Variants in TBXAS1 observed in about 807,000 individuals in gnomAD.
TBXAS1 encodes thromboxane A synthase 1, also known as thromboxane-A synthase.
Under a neutral mutation model 60.7 loss-of-function variants are expected in TBXAS1, and 48 were observed. That is an observed-to-expected ratio of 0.79 (90% CI 0.63 to 1.01). The LOEUF (loss-of-function observed/expected upper bound fraction) is 1.01, where lower values mean the gene tolerates loss of function less well. Ranked by LOEUF, TBXAS1 falls within the 50% of genes least tolerant of loss-of-function variation. TBXAS1 has a pLI of 0.00. For synonymous variants in TBXAS1, 287 were observed against 269.7 expected, an observed-to-expected ratio of 1.06 and a Z score of -0.63; for missense variants, 685 against 686.3, an observed-to-expected ratio of 1.00 and a Z score of 0.02.
upstream of TBXAS1, among the ~76,000 whole-genome samples, chr7:139,826,584 C>G (rs749673901): frequency 6.6e-6 from 1 of 152,156 alleles, no homozygotes; most frequent in African/African-American, 2.4e-5. Flanking sequence ...ATGGCTTCCA[C>G]GTTTGAATAT....
chr7:139,883,101 C>A (rs920001754), intron 3 of TBXAS1, among the ~76,000 whole-genome samples: 1 of 152,106 alleles, frequency 6.6e-6, no homozygotes, highest in African/African-American at 2.4e-5. Context: ...CAACTATCAC[C>A]AAGCCAAGCA....
rs200999267 is a variant in TBXAS1 at position 139,781,837 on chromosome 7, C to CAAAAA, written c.-232-810_-232-806dup. Among the ~76,000 whole-genome samples the CAAAAA allele has an allele frequency of 2.6e-3, 178 of 67,268 alleles. 7 individuals are homozygous for CAAAAA. Among genetic ancestry groups the CAAAAA allele is most frequent in the African/African-American group, 0.011 (166 of 15,666 alleles). The allele number at this position is 67,268 out of a possible 152,430, so 44.1% of individuals were successfully genotyped here. A position where few individuals can be genotyped will look rare whatever the true frequency, so the allele number is the denominator to read the frequency against. Reference sequence around the variant, plus strand: ...AGGCAACAAGAGCTAAATTCCATCTCAAAAAAAAAAAAAAAAAAAAAAAGG... The same window carrying CAAAAA: ...AGGCAACAAGAGCTAAATTCCATCTCAAAAAAAAAAAAAAAAAAAAAAAAAAAAGG... On this transcript the variant is annotated intron_variant, in intron 2 of 16. Coordinates refer to the TBXAS1 transcript ENST00000336425.
intron 10 of TBXAS1, among the ~76,000 whole-genome samples, chr7:140,012,517 G>A (rs1814700183): frequency 6.6e-6 from 1 of 150,968 alleles, no homozygotes; most frequent in Non-Finnish European, 1.5e-5. Flanking sequence ...GGTGTACAGT[G>A]GTGCGATCTC....
At chr7:139,798,797 G>A (rs901220047) in intron 4 of TBXAS1, among the ~76,000 whole-genome samples, 2 of 152,220 alleles carry the variant, frequency 1.3e-5, no homozygotes, top group Non-Finnish European at 2.9e-5. Context: ...AATTTTAAGT[G>A]TGTATTCTAA....
rs1802166949 is a variant in TBXAS1 at position 139,875,605 on chromosome 7, G to A, written c.204G>A (p.Met68Ile). 6.2e-7 allele frequency: 1 copy of A among 1,614,050 alleles called. No homozygotes were observed. Among genetic ancestry groups the A allele is most frequent in the African/African-American group, 1.3e-5 (1 of 74,914 alleles). Residue 68 changes from methionine (M) to isoleucine (I), a missense_variant, in exon 3 of 13, where the codon ATG becomes ATA. By Grantham distance (10) the Met-to-Ile change is conservative. Transcript: ENST00000448866. ...FFRQGFWESQ[M>I]ELRKLYGPLC... ...TTCAGGGTTTTTGGGAAAGCCAAAT[G>A]GAGCTCAGAAAGCTGTATGGACCTC...
intron 1 of TBXAS1, among the ~76,000 whole-genome samples, chr7:139,846,443 T>C (rs1257338328): frequency 6.6e-6 from 1 of 152,198 alleles, no homozygotes; most frequent in Non-Finnish European, 1.5e-5. Context: ...CTTAGCATGT[T>C]GGGAGGATTA....
At chr7:139,880,083 C>T (rs1003207329) in intron 3 of TBXAS1, among the ~76,000 whole-genome samples, 2 of 152,160 alleles carry the variant, frequency 1.3e-5, no homozygotes, top group African/African-American at 4.8e-5. Context: ...GGGGCTTCAA[C>T]ATGTCGGCCA....
At chr7:139,788,138 G>A (rs554669059) in intron 4 of TBXAS1, among the ~76,000 whole-genome samples, 41 of 152,306 alleles carry the variant, frequency 2.7e-4, no homozygotes, top group Admixed American at 7.2e-4. Flanking sequence ...TGGCTTCTGA[G>A]GTTGTTAGCC....
intron 12 of TBXAS1, among the ~76,000 whole-genome samples, chr7:140,018,565 A>C (rs571747065): frequency 6.6e-6 from 1 of 151,904 alleles, no homozygotes; most frequent in African/African-American, 2.4e-5. Flanking sequence ...TCTCCCCCCC[A>C]CATCACACAC....
Position 139,975,914 on chromosome 7 carries a change from G to A in TBXAS1, c.1134+13681G>A, listed in dbSNP as rs1811530429. On this transcript the variant is annotated intron_variant, in intron 9 of 12. Transcript: ENST00000448866. The surrounding 1 kb of genome is among the most constrained non-coding windows in gnomAD (Gnocchi z 4.4). Reference sequence around the variant, plus strand: ...GGAAGAACATTCCTGAAACAGAGACGTCACCCAGGGTTGCTTTCTGCCACA... The same window carrying A: ...GGAAGAACATTCCTGAAACAGAGACATCACCCAGGGTTGCTTTCTGCCACA... 2.0e-5 allele frequency among the ~76,000 whole-genome samples: 3 copies of A among 152,182 alleles called. No homozygotes were observed. Among genetic ancestry groups the A allele is most frequent in the African/African-American group, 2.4e-5 (1 of 41,436 alleles).
chr7:139,882,963 G>T (rs957364455), intron 3 of TBXAS1, among the ~76,000 whole-genome samples: 3 of 152,122 alleles, frequency 2.0e-5, no homozygotes, highest in Non-Finnish European at 2.9e-5. Context: ...TTTTTTAAAT[G>T]ATTGGAATTC....
chr7:139,959,482 A>G (rs1009708827), intron 8 of TBXAS1, among the ~76,000 whole-genome samples: 10 of 152,184 alleles, frequency 6.6e-5, no homozygotes, highest in Non-Finnish European at 1.3e-4. Flanking sequence ...CAGTGTTCAG[A>G]TAGCCTCCCT....
intron 1 of TBXAS1, among the ~76,000 whole-genome samples, chr7:139,830,662 G>A (rs568774724): frequency 6.6e-6 from 1 of 152,046 alleles, no homozygotes; most frequent in East Asian, 1.9e-4. Context: ...ATCTCAATGT[G>A]TTTTTATGCT....
chr7:139,869,446 G>A (rs187817548), intron 1 of TBXAS1, among the ~76,000 whole-genome samples: 1 of 152,130 alleles, frequency 6.6e-6, no homozygotes, highest in African/African-American at 2.4e-5. Context: ...GGAGTGCAGT[G>A]GTACAATCTT....
chr7:139,786,666 T>C (rs191028344), intron 3 of TBXAS1, among the ~76,000 whole-genome samples: 2,117 of 152,358 alleles, frequency 0.014, 18 homozygotes, highest in Non-Finnish European at 0.024. Flanking sequence ...ACTCTGATTT[T>C]ATTTAGGCAG....
chr7:139,796,240 C>T (rs1002657291), intron 4 of TBXAS1, among the ~76,000 whole-genome samples: 5 of 152,092 alleles, frequency 3.3e-5, no homozygotes, highest in South Asian at 2.1e-4. Context: ...GAGCACATAG[C>T]GGTATTTAAT....
At chr7:139,858,148 C>T (rs194151) in intron 1 of TBXAS1, among the ~76,000 whole-genome samples, 67,799 of 152,050 alleles carry the variant, frequency 0.45, 16,972 homozygotes, top group Non-Finnish European at 0.56. Flanking sequence ...ACATCAACCC[C>T]ATGCTCACTC....
intron 11 of TBXAS1, chr7:140,016,913 A>C (rs1815123493): frequency 6.6e-6 from 1 of 152,504 alleles, no homozygotes; most frequent in Non-Finnish European, 1.5e-5. Context: ...GCAGCTCCTG[A>C]ACGTGCCGCA....
chr7:139,844,965 T>C (rs774017566), intron 1 of TBXAS1, among the ~76,000 whole-genome samples: 1 of 151,524 alleles, frequency 6.6e-6, no homozygotes, highest in Non-Finnish European at 1.5e-5. Flanking sequence ...CCTCTCAGCA[T>C]TGGCACATTT....
Sources: allele counts gnomAD v4.1 joint callset (sites outside exome capture counted in the v4.1 genomes callset), GRCh38; gene constraint gnomAD v4.1.1; non-coding constraint Gnocchi (gnomAD v3.1); transcripts MANE v1.5; gene names NCBI Gene and HGNC (gene_info 2026-07-23, HGNC 2026-07-21).